Variants in ZSCAN1 observed in about 807,000 individuals in gnomAD.
ZSCAN1 encodes zinc finger and SCAN domain containing 1.
In ZSCAN1, 23 loss-of-function variants were observed where a neutral mutation model predicts 23.8. The observed-to-expected ratio is 0.97, with a 90% CI of 0.70 to 1.37. The LOEUF (loss-of-function observed/expected upper bound fraction) is 1.37. Among genes scored for constraint, ZSCAN1 ranks in the 40% most tolerant of loss-of-function variants. The pLI, the probability that ZSCAN1 is intolerant of heterozygous loss-of-function variation, is 0.00. For missense variants in ZSCAN1, 575 were observed against 554.0 expected, an observed-to-expected ratio of 1.04 and a Z score of -0.38; for synonymous variants, 236 against 232.3, an observed-to-expected ratio of 1.02 and a Z score of -0.15.
At chr19:58,050,436 T>C (rs1237552057) in intron 4 of ZSCAN1, among the ~76,000 whole-genome samples, 2 of 152,054 alleles carry the variant, frequency 1.3e-5, no homozygotes, top group Non-Finnish European at 2.9e-5. Flanking sequence ...ACCCTGTCTC[T>C]AAATAAATAA....
intron 2 of ZSCAN1, among the ~76,000 whole-genome samples, chr19:58,037,154 A>T (rs1054264881): frequency 9.2e-5 from 14 of 152,294 alleles, no homozygotes; most frequent in African/African-American, 3.1e-4. Context: ...GGTGTCATCC[A>T]TTATTATGTA....
In ZSCAN1 at chr19:58,045,468, A is replaced by G; in HGVS notation, c.465+4924A>G. 1 of 1,249,726 alleles carries G rather than the reference A, an allele frequency of 8.0e-7. No individual in the cohort carries two copies. Among genetic ancestry groups the G allele is most frequent in the Non-Finnish European group, 1.2e-6 (1 of 846,914 alleles). 77.4% of individuals were successfully genotyped at this position (1,249,726 alleles called of 1,614,324 possible). On this transcript the variant is annotated intron_variant, in intron 4 of 5. Transcript: ENST00000282326. This position sits in a 1 kb window ranked among gnomAD's most constrained non-coding sequence, Gnocchi z 4.3. ...TGTGTTTTTCCAGAAGATCCGGGAGACGGGGGAGAGGCCCAGCAATGAGGA... is the reference window on the plus strand; with the variant it reads ...TGTGTTTTTCCAGAAGATCCGGGAGGCGGGGGAGAGGCCCAGCAATGAGGA...
chr19:58,046,089 C>T (rs1419503257), intron 4 of ZSCAN1: 2 of 682,886 alleles, frequency 2.9e-6, no homozygotes, highest in East Asian at 4.9e-5. Flanking sequence ...GGCCAGGGGC[C>T]CAGCCCCAGC....
At chr19:58,050,958 T>C (rs1482138633) in intron 4 of ZSCAN1, among the ~76,000 whole-genome samples, 4 of 152,164 alleles carry the variant, frequency 2.6e-5, no homozygotes, top group Admixed American at 2.0e-4. Flanking sequence ...TCTGGAAGGA[T>C]AAGAACCCAG....
intron 3 of ZSCAN1, among the ~76,000 whole-genome samples, chr19:58,038,894 C>T (rs2073763673): frequency 6.6e-6 from 1 of 152,206 alleles, no homozygotes. Flanking sequence ...GGCACTGTGG[C>T]CTCGGGAGGG....
rs1035548361 is a variant in ZSCAN1 at position 58,054,320 on chromosome 19, A to G, written c.*269A>G. 4 of 396,702 alleles carry G rather than the reference A, an allele frequency of 1.0e-5. No individual in the cohort carries two copies. Among genetic ancestry groups the G allele is most frequent in the African/African-American group, 6.1e-5 (3 of 48,892 alleles). 24.6% of individuals were successfully genotyped at this position (396,702 alleles called of 1,614,324 possible). A position where few individuals can be genotyped will look rare whatever the true frequency, so the allele number is the denominator to read the frequency against. On this transcript the variant is annotated 3_prime_UTR_variant, in exon 6 of 6. Coordinates refer to ENST00000282326, the MANE Select transcript of ZSCAN1 (RefSeq NM_182572.4). The surrounding 1 kb of genome is among the most constrained non-coding windows in gnomAD (Gnocchi z 4.2). Reference sequence around the variant, plus strand: ...CACTATAGTTTTGCAAGTGGCTTGAAGAGGAGTTTCATTCGCGTCCCATCT... The same window carrying G: ...CACTATAGTTTTGCAAGTGGCTTGAGGAGGAGTTTCATTCGCGTCCCATCT...
intron 4 of ZSCAN1, chr19:58,046,083 AGG>A: frequency 2.9e-6 from 2 of 682,678 alleles, no homozygotes; most frequent in Non-Finnish European, 5.3e-6. Context: ...CCCAAAGGCC[AGG>A]GGCCCAGCCC....
chr19:58,037,856 C>T lies in ZSCAN1; in HGVS notation c.20C>T (p.Ala7Val). 17 of 1,506,036 alleles carry T rather than the reference C, an allele frequency of 1.1e-5. No individual in the cohort carries two copies. The highest frequency in any genetic ancestry group is 1.3e-5 in the Non-Finnish European group (15 of 1,129,734). The allele number at this position is 1,506,036 out of a possible 1,614,324, so 93.3% of individuals were successfully genotyped here. A position where few individuals can be genotyped will look rare whatever the true frequency, so the allele number is the denominator to read the frequency against. MLPRPK[A>V]PASPRRPQTP... ...AGAGAAATGCTTCCACGGCCCAAAG[C>T]CCCTGCCTCCCCCAGACGCCCCCAG... is the stretch of plus-strand genomic sequence containing the variant. The change falls in exon 3 of 6, where the codon GCC (alanine) becomes GTC (valine). Residue 7 changes from alanine to valine, a missense_variant. Coordinates refer to ENST00000282326, the MANE Select transcript of ZSCAN1 (RefSeq NM_182572.4).
intron 4 of ZSCAN1, chr19:58,044,721 G>A: frequency 2.7e-6 from 2 of 748,414 alleles, no homozygotes; most frequent in East Asian, 2.8e-5. Flanking sequence ...TGGGGTTGAG[G>A]AGCTGCCCGA....
Position 58,053,988 on chromosome 19 carries a change from C to A in ZSCAN1, c.1164C>A (p.Ala388=). Residue 388 remains alanine (A), a synonymous_variant, in exon 6 of 6, where the codon GCC becomes GCA. Coordinates refer to ENST00000282326, the MANE Select transcript of ZSCAN1 (RefSeq NM_182572.4). The surrounding 1 kb of genome is among the most constrained non-coding windows in gnomAD (Gnocchi z 5.8). ...TCCAGTGTAGCGTCTGCGGGAAGGCCTTCCCCTGGATGGTCCACCTCATTG... is the reference window on the plus strand; with the variant it reads ...TCCAGTGTAGCGTCTGCGGGAAGGCATTCCCCTGGATGGTCCACCTCATTG... The part of the protein sequence containing the change: ...RPFQCSVCGK[A]FPWMVHLIDH... 1.3e-6 allele frequency: 2 copies of A among 1,588,440 alleles called. No homozygotes were observed. The highest frequency in any genetic ancestry group is 1.8e-5 in the Admixed American group (1 of 57,122).
intron 4 of ZSCAN1, chr19:58,046,076 A>G (rs2073823283): frequency 4.4e-6 from 3 of 681,640 alleles, no homozygotes; most frequent in Non-Finnish European, 8.0e-6. Context: ...GGCGCTCCCC[A>G]AAGGCCAGGG....
Position 58,040,558 on chromosome 19 carries a change from C to A in ZSCAN1, c.465+14C>A, listed in dbSNP as rs753956783. 2 of 1,612,518 alleles carry A rather than the reference C, an allele frequency of 1.2e-6. No individual in the cohort carries two copies. Among genetic ancestry groups the A allele is most frequent in the Non-Finnish European group, 8.5e-7 (1 of 1,179,460 alleles). On this transcript the variant is annotated intron_variant, in intron 4 of 5. Transcript: ENST00000282326. The surrounding 1 kb of genome is among the most constrained non-coding windows in gnomAD (Gnocchi z 5.8). ...GAACCATCGCAGGTGAGCCCGGGGC[C>A]CCCAGCTCCGTGCTCCTGCACCCCA...
chr19:58,041,536 A>G (rs1412497510), intron 4 of ZSCAN1, among the ~76,000 whole-genome samples: 1 of 152,230 alleles, frequency 6.6e-6, no homozygotes, highest in East Asian at 1.9e-4. Flanking sequence ...AAGACTGCAC[A>G]TGTGTGTCTC....
In ZSCAN1 at chr19:58,036,350, T is replaced by G. The variant is rs144661684; in HGVS notation, c.-110+339T>G. ...TGCTTTCCAGAAAGGTCGTGCCAAT[T>G]TATATTCTCACCAGCGGATCAGTCC... On this transcript the variant is annotated intron_variant, in intron 2 of 5. Coordinates refer to ENST00000282326, the MANE Select transcript of ZSCAN1 (RefSeq NM_182572.4). Among the ~76,000 whole-genome samples the G allele has an allele frequency of 4.6e-5, 7 of 152,248 alleles. No homozygotes were observed. The East Asian group carries it at 1.4e-3, about 29-fold the overall frequency.
At chr19:58,050,297 G>A (rs2073850976) in intron 4 of ZSCAN1, among the ~76,000 whole-genome samples, 1 of 151,770 alleles carries the variant, frequency 6.6e-6, no homozygotes, top group Admixed American at 6.6e-5. Flanking sequence ...TTAGCTGGGT[G>A]TGGTGGCACG....
In ZSCAN1 at chr19:58,053,948, G is replaced by A. The variant is rs148721201; in HGVS notation, c.1124G>A (p.Ser375Asn). The A allele has an allele frequency of 1.1e-4, 170 of 1,611,676 alleles. No individual in the cohort carries two copies. The highest frequency in any genetic ancestry group is 1.4e-4 in the Non-Finnish European group (166 of 1,178,732). Residue 375 changes from serine to asparagine, a missense_variant, in exon 6 of 6, where the codon AGC becomes AAC. Ser to Asn is a conservative substitution (Grantham distance 46, BLOSUM62 1). Coordinates refer to ENST00000282326, the MANE Select transcript of ZSCAN1 (RefSeq NM_182572.4). This position sits in a 1 kb window ranked among gnomAD's most constrained non-coding sequence, Gnocchi z 5.8. The stretch of plus-strand genomic sequence containing the variant: ...GCCCAGGGCCCAGTGGCCCCTCGCA[G>A]CCCCAAAAGACCCTTCCAGTGTAGC... ...DGAQGPVAPR[S>N]PKRPFQCSVC...
intron 4 of ZSCAN1, chr19:58,044,637 TC>T: frequency 9.5e-7 from 1 of 1,055,488 alleles, no homozygotes; most frequent in Non-Finnish European, 1.4e-6. Context: ...CCCGCCAGCC[TC>T]CCGCCGCCGC....
At chr19:58,046,185 T>C in intron 4 of ZSCAN1, 3 of 752,494 alleles carry the variant, frequency 4.0e-6, no homozygotes, top group Non-Finnish European at 7.4e-6. Flanking sequence ...AAGAGATGAC[T>C]AAGGAGGAGA....
chr19:58,055,081 T>G (rs191206553), downstream of ZSCAN1, among the ~76,000 whole-genome samples: 7 of 152,340 alleles, frequency 4.6e-5, no homozygotes, highest in African/African-American at 1.7e-4. Context: ...GCAAAAGCCT[T>G]AAAAGTTTTT....
Sources: gnomAD v4.1 joint callset for allele counts (sites outside exome capture counted in the v4.1 genomes callset) on GRCh38, gnomAD v4.1.1 for gene constraint, Gnocchi (gnomAD v3.1) non-coding constraint, MANE v1.5 for transcripts, NCBI Gene and HGNC (gene_info 2026-07-23, HGNC 2026-07-21) for gene names.